Variants in BAHCC1 observed in about 807,000 individuals in gnomAD.
BAHCC1 encodes BAH domain and coiled-coil containing 1, also known as BAH and coiled-coil domain-containing protein 1.
Under a neutral mutation model 88.2 loss-of-function variants are expected in BAHCC1, and 43 were observed. That is an observed-to-expected ratio of 0.49 (90% CI 0.38 to 0.63). BAHCC1 has a LOEUF of 0.63. BAHCC1 is among the 20% of genes least tolerant of loss of function. The pLI is 0.00. For missense variants in BAHCC1, 3,023 were observed against 1,654.8 expected, an observed-to-expected ratio of 1.83 and a Z score of -14.34; for synonymous variants, 1,510 against 745.5, an observed-to-expected ratio of 2.03 and a Z score of -16.71.
intron 4 of BAHCC1, among the ~76,000 whole-genome samples, chr17:81,441,186 A>ACATGGGGGCAGAGGGTGAGTGTTT (rs2064408483): frequency 6.6e-5 from 10 of 152,312 alleles, no homozygotes; most frequent in Non-Finnish European, 1.2e-4. Context: ...GGGGAGCTGA[A>ACATGGGGGCAGAGGGTGAGTGTTT]CATGGGGGCA....
In BAHCC1 at chr17:81,462,854, C is replaced by T; in HGVS notation, c.7498C>T (p.Leu2500Phe). ...AVFLSAGRPN[L>F]PYIGRIESMW... ...CTTCCTGTCAGCTGGGCGGCCCAAC[C>T]TCCCCTACATCGGCCGCATCGAGAG... Residue 2500 changes from leucine (L) to phenylalanine (F), a missense_variant, in exon 27 of 28, where the codon CTC (leucine) becomes TTC (phenylalanine). Physicochemically the swap from Leu to Phe is conservative, Grantham distance 22. Coordinates refer to ENST00000675386, the MANE Select transcript of BAHCC1 (RefSeq NM_001377448.1). 1.3e-6 allele frequency: 1 copy of T among 782,286 alleles called. No individual in the cohort carries two copies. Among genetic ancestry groups the T allele is most frequent in the Non-Finnish European group, 2.4e-6 (1 of 419,552 alleles). The allele number at this position is 782,286 out of a possible 1,614,324, so 48.5% of individuals were successfully genotyped here. A position where few individuals can be genotyped will look rare whatever the true frequency, so the allele number is the denominator to read the frequency against.
intron 2 of BAHCC1, chr17:81,402,409 CTG>C (rs1171280213): frequency 7.0e-4 from 107 of 152,272 alleles, no homozygotes; most frequent in African/African-American, 2.3e-3. Flanking sequence ...TTGCTTTGGT[CTG>C]TGTCTATATA....
intron 13 of BAHCC1, among the ~76,000 whole-genome samples, chr17:81,452,341 G>A (rs1598501174): frequency 6.6e-6 from 1 of 152,128 alleles, no homozygotes; most frequent in African/African-American, 2.4e-5. Flanking sequence ...TGGAAGAGCC[G>A]CTTGTCAGAG....
chr17:81,421,030 C>T (rs374421882), intron 2 of BAHCC1, among the ~76,000 whole-genome samples: 22 of 152,374 alleles, frequency 1.4e-4, no homozygotes, highest in Admixed American at 3.9e-4. Flanking sequence ...GGCCCACGAC[C>T]GACCTTGGGA....
At chr17:81,430,389 C>T (rs1291928415) in intron 3 of BAHCC1, among the ~76,000 whole-genome samples, 9 of 152,114 alleles carry the variant, frequency 5.9e-5, no homozygotes, top group African/African-American at 1.4e-4. Context: ...GGCAGGCACA[C>T]ACACGCGCTG....
chr17:81,412,618 C>T (rs1426579736), intron 2 of BAHCC1, among the ~76,000 whole-genome samples: 1 of 152,188 alleles, frequency 6.6e-6, no homozygotes, highest in Non-Finnish European at 1.5e-5. Flanking sequence ...GCAGGTCTGT[C>T]TGGAGTCACC....
chr17:81,462,044 C>A lies in BAHCC1; in HGVS notation c.7381C>A (p.Gln2461Lys). ...QLWKWSGNPT[Q>K]RRGMKGKARK... Reference sequence around the variant, plus strand: ...CTGGAAGTGGTCGGGGAATCCCACACAGGTAGGTCCAGCGGGAGGCGGGAG... The same window carrying A: ...CTGGAAGTGGTCGGGGAATCCCACAAAGGTAGGTCCAGCGGGAGGCGGGAG... Residue 2461 changes from glutamine to lysine, a missense_variant and splice_region_variant, in exon 26 of 28, where the codon CAG (glutamine) becomes AAG (lysine). Coordinates refer to ENST00000675386, the MANE Select transcript of BAHCC1 (RefSeq NM_001377448.1). 1.3e-6 allele frequency: 1 copy of A among 768,528 alleles called. No homozygotes were observed. Among genetic ancestry groups the A allele is most frequent in the Non-Finnish European group, 2.4e-6 (1 of 411,932 alleles). The allele number at this position is 768,528 out of a possible 1,614,324, so 47.6% of individuals were successfully genotyped here. A position where few individuals can be genotyped will look rare whatever the true frequency, so the allele number is the denominator to read the frequency against.
At position 81,461,981 on chromosome 17, in the gene BAHCC1, C is replaced by T. The variant is rs74782049; in HGVS notation, c.7318C>T (p.Arg2440Trp). ...RRQRPPSVEN[R>W]PKISAFLPAR... Reference sequence around the variant, plus strand: ...GCAGCGGCCGCCCTCCGTGGAAAACCGGCCAAAGATCTCAGCCTTCCTGCC... The same window carrying T: ...GCAGCGGCCGCCCTCCGTGGAAAACTGGCCAAAGATCTCAGCCTTCCTGCC... The change falls in exon 26 of 28, where the codon CGG becomes TGG. Residue 2440 changes from arginine to tryptophan, a missense_variant. Transcript: ENST00000675386. The T allele has an allele frequency of 2.3e-5, 18 of 776,592 alleles. No homozygotes were observed. The highest frequency in any genetic ancestry group is 2.3e-4 in the Middle Eastern group (1 of 4,430). 48.1% of individuals were successfully genotyped at this position (776,592 alleles called of 1,614,324 possible).
intron 11 of BAHCC1, among the ~76,000 whole-genome samples, chr17:81,450,895 G>A (rs1389506312): frequency 2.0e-5 from 3 of 152,198 alleles, no homozygotes; most frequent in East Asian, 1.9e-4. Context: ...GCAATAAAGC[G>A]AGACCCTGTC....
rs781956466 is a variant in BAHCC1, at chr17:81,444,533, G to A, written c.2477G>A (p.Arg826His). Reference sequence around the variant, plus strand: ...CATCCCCCCTGGCTGCCCCGCACCCGCAGCCCCTCCCTGTGGATGGGGGGG... The same window carrying A: ...CATCCCCCCTGGCTGCCCCGCACCCACAGCCCCTCCCTGTGGATGGGGGGG... ...HPHPPWLPRT[R>H]SPSLWMGGHS... Residue 826 changes from arginine (R) to histidine (H), a missense_variant, in exon 7 of 28, where the codon CGC becomes CAC. Physicochemically the swap from Arg to His is conservative, Grantham distance 29. Transcript: ENST00000675386. 6.1e-5 allele frequency: 41 copies of A among 671,202 alleles called. 1 individual carries two copies. Among genetic ancestry groups the A allele is most frequent in the Admixed American group, 6.1e-4 (30 of 49,222 alleles). The allele number at this position is 671,202 out of a possible 1,614,324, so 41.6% of individuals were successfully genotyped here. A position where few individuals can be genotyped will look rare whatever the true frequency, so the allele number is the denominator to read the frequency against.
chr17:81,414,738 C>T (rs943068288), intron 2 of BAHCC1, among the ~76,000 whole-genome samples: 1 of 152,222 alleles, frequency 6.6e-6, no homozygotes, highest in African/African-American at 2.4e-5. Flanking sequence ...CCCCGGGGTT[C>T]GTCACAGCCT....
intron 11 of BAHCC1, among the ~76,000 whole-genome samples, chr17:81,449,778 AGCTTT>A (rs1416858273): frequency 3.0e-4 from 46 of 151,148 alleles, no homozygotes; most frequent in Middle Eastern, 3.4e-3. Context: ...CTCGGTCCAG[AGCTTT>A]GCACCCCAGC....
intron 2 of BAHCC1, chr17:81,421,834 T>G: frequency 4.7e-6 from 1 of 212,580 alleles, no homozygotes; most frequent in South Asian, 4.2e-5. Context: ...TTGGGGGGGA[T>G]GGTAGGGTCT....
rs1441555898 is a variant in BAHCC1, at chr17:81,433,458, G to C, written c.359-4912G>C. On this transcript the variant is annotated intron_variant, in intron 3 of 27. Transcript: ENST00000675386. ...CCTGTGCCCAGGGCTGGAGTCATCA[G>C]TCCACCGAGGCCCCTCCTGTGCCCA... is the stretch of plus-strand genomic sequence containing the variant. Among the ~76,000 whole-genome samples, 4 of 151,568 alleles carry C rather than the reference G, an allele frequency of 2.6e-5. No homozygotes were observed. The East Asian group carries it at 5.8e-4, about 22-fold the overall frequency.
rs1189652683 is a variant in BAHCC1 at position 81,464,531 on chromosome 17, G to C, written c.*714G>C. The C allele has an allele frequency of 6.5e-6, 1 of 152,972 alleles. No individual in the cohort carries two copies. Among genetic ancestry groups the C allele is most frequent in the Non-Finnish European group, 1.5e-5 (1 of 68,504 alleles). 9.5% of individuals were successfully genotyped at this position (152,972 alleles called of 1,614,324 possible). A position where few individuals can be genotyped will look rare whatever the true frequency, so the allele number is the denominator to read the frequency against. ...TTATTTGCTTTCAGTGCATCTCCTA[G>C]AAAAGAAGTGTTGGAGCAGGGGGTG... On this transcript the variant is annotated 3_prime_UTR_variant, in exon 28 of 28. Transcript: ENST00000675386.
chr17:81,409,857 G>A (rs1213058643), intron 2 of BAHCC1, among the ~76,000 whole-genome samples: 11 of 152,314 alleles, frequency 7.2e-5, no homozygotes, highest in Admixed American at 2.0e-4. Flanking sequence ...AGGCAACAGC[G>A]CTGCCTCAGG....
At chr17:81,422,747 G>T (rs1555649734) in intron 2 of BAHCC1, 1 of 438,642 alleles carries the variant, frequency 2.3e-6, no homozygotes, top group African/African-American at 2.1e-5. Flanking sequence ...GGATCCTGGA[G>T]AAATCCCTTC....
chr17:81,418,810 C>CGCGCATGTGTGTGTGT (rs71302047), intron 2 of BAHCC1, among the ~76,000 whole-genome samples: 1 of 146,330 alleles, frequency 6.8e-6, no homozygotes, highest in African/African-American at 2.6e-5. Context: ...TGTGTGTGTA[C>CGCGCATGTGTGTGTGT]GTGTGTGTGT....
chr17:81,460,274 C>T lies in BAHCC1; in HGVS notation c.5906-3C>T. The T allele has an allele frequency of 1.3e-6, 1 of 765,102 alleles. No homozygotes were observed. Among genetic ancestry groups the T allele is most frequent in the Non-Finnish European group, 2.4e-6 (1 of 411,060 alleles). 47.4% of individuals were successfully genotyped at this position (765,102 alleles called of 1,614,324 possible). ...GCTGCAAGCTCAGGTGTGCCGTCCA[C>T]AGGGGCCTCCGGTGACGAAGATGAG... On this transcript the variant is annotated splice_region_variant and splice_polypyrimidine_tract_variant and intron_variant, in intron 23 of 27. Coordinates refer to ENST00000675386, the MANE Select transcript of BAHCC1 (RefSeq NM_001377448.1).
Sources: gnomAD v4.1 joint callset for allele counts (sites outside exome capture counted in the v4.1 genomes callset) on GRCh38, gnomAD v4.1.1 for gene constraint, MANE v1.5 for transcripts, NCBI Gene and HGNC (gene_info 2026-07-23, HGNC 2026-07-21) for gene names.